The following TCF7L1 variants were observed in gnomAD, a reference collection of about 807,000 sequenced individuals.
The protein encoded by TCF7L1 is transcription factor 7 like 1, also known as transcription factor 7-like 1.
TCF7L1 carries 18 observed loss-of-function variants against 63.7 expected under a neutral mutation model. That is an observed-to-expected ratio of 0.28 (90% CI 0.20 to 0.42). The LOEUF (loss-of-function observed/expected upper bound fraction) is 0.42, where lower values mean the gene tolerates loss of function less well. Ranked by LOEUF, TCF7L1 falls within the 10% of genes least tolerant of loss-of-function variation. The pLI is 1.00. For synonymous variants in TCF7L1, 355 were observed against 340.9 expected, an observed-to-expected ratio of 1.04 and a Z score of -0.46; for missense variants, 654 against 779.3, an observed-to-expected ratio of 0.84 and a Z score of 1.91.
rs112532298 is a variant in TCF7L1, at chr2:85,305,431, T to G, written c.989+28T>G. The G allele has an allele frequency of 1.4e-5, 22 of 1,587,012 alleles. No homozygotes were observed. The African/African-American group carries it at 2.0e-4, about 15-fold the overall frequency. ...AAGTAAGCGGCAGCCTGGATTCAGGTGGGAGGGTGCAGGCTGTGGGGAGGG... is the reference window on the plus strand; with the variant it reads ...AAGTAAGCGGCAGCCTGGATTCAGGGGGGAGGGTGCAGGCTGTGGGGAGGG... On this transcript the variant is annotated intron_variant, in intron 8 of 11. Transcript: ENST00000282111.
intron 3 of TCF7L1, among the ~76,000 whole-genome samples, chr2:85,172,319 A>AC (rs1678564258): frequency 6.6e-6 from 1 of 151,716 alleles, no homozygotes; most frequent in African/African-American, 2.4e-5. Flanking sequence ...TGTGGCCACC[A>AC]CCCCCACACC....
At chr2:85,244,326 C>T (rs1040378236) in intron 3 of TCF7L1, among the ~76,000 whole-genome samples, 5 of 152,150 alleles carry the variant, frequency 3.3e-5, no homozygotes, top group African/African-American at 4.8e-5. Context: ...TTTGTTTTAA[C>T]GTAGCGCCAT....
intron 3 of TCF7L1, among the ~76,000 whole-genome samples, chr2:85,155,674 A>T (rs1371445220): frequency 6.6e-6 from 1 of 152,046 alleles, no homozygotes; most frequent in Non-Finnish European, 1.5e-5. Context: ...GCTAACAGGG[A>T]ACTGTTAACT....
intron 3 of TCF7L1, among the ~76,000 whole-genome samples, chr2:85,156,782 C>T (rs191744439): frequency 1.8e-3 from 279 of 152,302 alleles, no homozygotes; most frequent in African/African-American, 6.3e-3. Context: ...TGTGTATACG[C>T]GCATGCATGC....
At chr2:85,181,847 G>A (rs1215150461) in intron 3 of TCF7L1, among the ~76,000 whole-genome samples, 4 of 152,308 alleles carry the variant, frequency 2.6e-5, no homozygotes, top group African/African-American at 9.6e-5. Context: ...GTGGGTGTCA[G>A]TTTAACAAGT....
Position 85,306,106 on chromosome 2 carries a change from GC to G in TCF7L1, c.990-96del. 1 of 1,465,970 alleles carries G rather than the reference GC, an allele frequency of 6.8e-7. No homozygotes were observed. Among genetic ancestry groups the G allele is most frequent in the Non-Finnish European group, 9.4e-7 (1 of 1,067,804 alleles). The allele number at this position is 1,465,970 out of a possible 1,614,324, so 90.8% of individuals were successfully genotyped here. Reference sequence around the variant, plus strand: ...TTGAATTAGCATCCAGGCAGCCCGCGCCCCTCCCCAGAGACAATCAGCGGTG... The same window carrying G: ...TTGAATTAGCATCCAGGCAGCCCGCGCCCTCCCCAGAGACAATCAGCGGTG... On this transcript the variant is annotated intron_variant, in intron 8 of 11. Coordinates refer to ENST00000282111, the MANE Select transcript of TCF7L1 (RefSeq NM_031283.3). This position sits in a 1 kb window ranked among gnomAD's most constrained non-coding sequence, Gnocchi z 4.3.
chr2:85,168,704 C>T (rs556446635), intron 3 of TCF7L1, among the ~76,000 whole-genome samples: 12 of 152,220 alleles, frequency 7.9e-5, no homozygotes, highest in Non-Finnish European at 1.3e-4. Context: ...TCACTGCAAC[C>T]TCCGCCTCCC....
intron 3 of TCF7L1, among the ~76,000 whole-genome samples, chr2:85,260,901 A>T (rs1558649293): frequency 6.6e-6 from 1 of 152,086 alleles, no homozygotes; most frequent in Non-Finnish European, 1.5e-5. Context: ...GATGTAAAAG[A>T]AGTTCTTCTG....
At chr2:85,245,381 C>T (rs964525019) in intron 3 of TCF7L1, among the ~76,000 whole-genome samples, 8 of 152,188 alleles carry the variant, frequency 5.3e-5, no homozygotes, top group Admixed American at 4.6e-4. Context: ...CATCAGTCAC[C>T]AGTCCCTCTT....
chr2:85,140,224 C>A (rs1677693213), intron 3 of TCF7L1, among the ~76,000 whole-genome samples: 1 of 152,090 alleles, frequency 6.6e-6, no homozygotes, highest in Non-Finnish European at 1.5e-5. Context: ...TGGACAGATG[C>A]TTACTGAATA....
At chr2:85,217,635 G>A (rs995952058) in intron 3 of TCF7L1, among the ~76,000 whole-genome samples, 1 of 152,152 alleles carries the variant, frequency 6.6e-6, no homozygotes, top group African/African-American at 2.4e-5. Flanking sequence ...CCACCACTGA[G>A]TAGCATGTTC....
intron 3 of TCF7L1, among the ~76,000 whole-genome samples, chr2:85,171,412 T>C (rs890603498): frequency 2.6e-5 from 4 of 152,206 alleles, no homozygotes; most frequent in African/African-American, 7.2e-5. Flanking sequence ...CCGCTCCAGA[T>C]AGGACAGAAC....
chr2:85,201,969 T>A (rs1247660606), intron 3 of TCF7L1, among the ~76,000 whole-genome samples: 1 of 151,900 alleles, frequency 6.6e-6, no homozygotes, highest in Non-Finnish European at 1.5e-5. Flanking sequence ...TTATTTATTT[T>A]ATTTTATTTT....
At chr2:85,220,896 A>G (rs115965134) in intron 3 of TCF7L1, among the ~76,000 whole-genome samples, 162 of 152,356 alleles carry the variant, frequency 1.1e-3, no homozygotes, top group Middle Eastern at 0.01. Context: ...CTCAGATTAT[A>G]TTCACCAAAT....
intron 3 of TCF7L1, among the ~76,000 whole-genome samples, chr2:85,218,718 A>G (rs928589590): frequency 6.6e-6 from 1 of 151,992 alleles, no homozygotes; most frequent in East Asian, 1.9e-4. Flanking sequence ...TTGGATATTT[A>G]CCCAGGCTTT....
intron 3 of TCF7L1, among the ~76,000 whole-genome samples, chr2:85,155,767 C>G (rs1378568464): frequency 1.3e-5 from 2 of 152,072 alleles, no homozygotes; most frequent in African/African-American, 4.8e-5. Flanking sequence ...CGTTAATTTC[C>G]TGATACCTGT....
At chr2:85,268,175 G>A (rs1261273755) in intron 3 of TCF7L1, among the ~76,000 whole-genome samples, 1 of 152,214 alleles carries the variant, frequency 6.6e-6, no homozygotes, top group African/African-American at 2.4e-5. Context: ...AGTGGCAGCG[G>A]ACTTTCCCAT....
chr2:85,171,272 G>T (rs556948317), intron 3 of TCF7L1, among the ~76,000 whole-genome samples: 1 of 152,312 alleles, frequency 6.6e-6, no homozygotes, highest in East Asian at 1.9e-4. Flanking sequence ...TCCATGACTC[G>T]TGGGAATTGT....
intron 3 of TCF7L1, among the ~76,000 whole-genome samples, chr2:85,142,473 A>G (rs1374579800): frequency 6.9e-6 from 1 of 145,344 alleles, no homozygotes; most frequent in African/African-American, 2.6e-5. Context: ...TGTTGTGTGT[A>G]TATATATAAT....
Sources: gnomAD v4.1 joint callset for allele counts (sites outside exome capture counted in the v4.1 genomes callset) on GRCh38, gnomAD v4.1.1 for gene constraint, Gnocchi (gnomAD v3.1) non-coding constraint, MANE v1.5 for transcripts, NCBI Gene and HGNC (gene_info 2026-07-23, HGNC 2026-07-21) for gene names.